Variants in ATP5MC3 observed in about 807,000 individuals in gnomAD.
The protein encoded by ATP5MC3 is ATP synthase membrane subunit c locus 3, also known as ATP synthase F(0) complex subunit C3, mitochondrial.
ATP5MC3 carries 6 observed loss-of-function variants against 15.6 expected under a neutral mutation model. That is an observed-to-expected ratio of 0.38 (90% CI 0.21 to 0.76). ATP5MC3 has a LOEUF of 0.76. Ranked by LOEUF, ATP5MC3 falls within the 30% of genes least tolerant of loss-of-function variation. The pLI is 0.44. For missense variants in ATP5MC3, 132 were observed against 171.2 expected (o/e 0.77, Z 1.28); for synonymous variants, 66 against 63.3 (o/e 1.04, Z -0.20).
intron 2 of ATP5MC3, 41 bp from the exon 3 acceptor site, chr2:175,180,219 G>T (rs1199285092): frequency 2.0e-6 from 3 of 1,475,598 alleles, no homozygotes; most frequent in Non-Finnish European, 2.7e-6. Context: ...TATTAAGAAA[G>T]AATACAGGTA....
At chr2:175,180,249 G>C in intron 2 of ATP5MC3, 71 bp from the exon 3 acceptor site, 1 of 1,179,190 alleles carries the variant, frequency 8.5e-7, no homozygotes, top group Non-Finnish European at 1.1e-6. Flanking sequence ...TGACTTTTCT[G>C]GTACCATGAA....
In ATP5MC3 at chr2:175,178,121, G is replaced by A. The variant is rs528317882; in HGVS notation, c.*167C>T. On this transcript the variant is annotated 3_prime_UTR_variant, in exon 5 of 5. Coordinates refer to ENST00000284727, the MANE Select transcript of ATP5MC3 (RefSeq NM_001689.5). The stretch of plus-strand genomic sequence containing the variant: ...TTCTTTGTGATAATCTAAACTTAGT[G>A]TAAGTACAAATCACAGAAGAAATTA... The A allele has an allele frequency of 1.9e-5, 25 of 1,304,438 alleles. 1 individual carries two copies. The South Asian group carries it at 4.0e-4, about 21-fold the overall frequency. 80.8% of individuals were successfully genotyped at this position (1,304,438 alleles called of 1,614,324 possible). A position where few individuals can be genotyped will look rare whatever the true frequency, so the allele number is the denominator to read the frequency against.
At chr2:175,178,715 C>A in intron 4 of ATP5MC3, 1 of 1,152,868 alleles carries the variant, frequency 8.7e-7, no homozygotes, top group Non-Finnish European at 1.1e-6. Context: ...ATAAATTGAT[C>A]CTTTTAAGGA....
intron 3 of ATP5MC3, 94 bp from the exon 4 acceptor site, chr2:175,179,344 T>C: frequency 7.0e-7 from 1 of 1,424,330 alleles, no homozygotes; most frequent in Non-Finnish European, 9.3e-7. Context: ...AACTACTTTT[T>C]TATTTTGTAG....
At chr2:175,179,550 G>A in intron 3 of ATP5MC3, 2 of 307,824 alleles carry the variant, frequency 6.5e-6, no homozygotes, top group Non-Finnish European at 1.2e-5. Context: ...ACCCAGGCTG[G>A]AGTGCAGTAC....
Position 175,177,513 on chromosome 2 carries a change from A to T in ATP5MC3, c.*775T>A, listed in dbSNP as rs983376533. Reference sequence around the variant, plus strand: ...ACTGTTGAACCAGCTATCATCCCCAAGACTCCCACTATAAACATGTTAGCA... The same window carrying T: ...ACTGTTGAACCAGCTATCATCCCCATGACTCCCACTATAAACATGTTAGCA... On this transcript the variant is annotated 3_prime_UTR_variant, in exon 5 of 5. Transcript: ENST00000284727. 1 of 152,220 alleles carries T rather than the reference A, an allele frequency of 6.6e-6. No individual in the cohort carries two copies. Among genetic ancestry groups the T allele is most frequent in the Admixed American group, 6.5e-5 (1 of 15,286 alleles). 9.4% of individuals were successfully genotyped at this position (152,220 alleles called of 1,614,324 possible).
At chr2:175,180,867 G>A (rs13030627) in intron 2 of ATP5MC3, among the ~76,000 whole-genome samples, 15,223 of 152,190 alleles carry the variant, frequency 0.1, 794 homozygotes, top group Middle Eastern at 0.18. Context: ...GAGGCAGGAA[G>A]AAAGACTTTG....
chr2:175,178,737 T>C (rs1360966210), intron 4 of ATP5MC3: 1 of 1,163,988 alleles, frequency 8.6e-7, no homozygotes, highest in Admixed American at 4.1e-5. Context: ...TGTGCTCTAA[T>C]AATTTTATTC....
chr2:175,180,376 C>T (rs1183947479), intron 2 of ATP5MC3, among the ~76,000 whole-genome samples, 198 bp from the exon 3 acceptor site: 3 of 152,102 alleles, frequency 2.0e-5, no homozygotes, highest in Non-Finnish European at 2.9e-5. Flanking sequence ...GAAATTGTAA[C>T]GCTTGCTACC....
chr2:175,181,128 G>A (rs1166322615), intron 2 of ATP5MC3, among the ~76,000 whole-genome samples: 1 of 152,272 alleles, frequency 6.6e-6, no homozygotes, highest in Non-Finnish European at 1.5e-5. Context: ...TACACCGAGT[G>A]AGGCCTGACA....
chr2:175,180,646 G>T (rs893179952), intron 2 of ATP5MC3, among the ~76,000 whole-genome samples: 2 of 151,994 alleles, frequency 1.3e-5, no homozygotes, highest in South Asian at 2.1e-4. Context: ...TCTAAAAAAG[G>T]AACTTAAGCA....
chr2:175,178,693 G>C, intron 4 of ATP5MC3: 2 of 1,165,748 alleles, frequency 1.7e-6, no homozygotes, highest in South Asian at 3.2e-5. Flanking sequence ...GACAGTTTAG[G>C]TCTTAAATAA....
intron 4 of ATP5MC3, 139 bp from the exon 5 acceptor site, chr2:175,178,541 T>C (rs950242414): frequency 7.1e-6 from 10 of 1,414,058 alleles, no homozygotes; most frequent in Non-Finnish European, 8.3e-6. Flanking sequence ...TAGATCTCTC[T>C]TACACTATTC....
chr2:175,179,083 A>G lies in ATP5MC3; in HGVS notation c.288T>C (p.Phe96=). 10 of 1,614,122 alleles carry G rather than the reference A, an allele frequency of 6.2e-6. No homozygotes were observed. Among genetic ancestry groups the G allele is most frequent in the South Asian group, 4.4e-5 (4 of 91,090 alleles). ...TGGCATAACCAATGATAAGGCTGCC[A>G]AAGACTGTTCCAATACCAGCACCAG... is the stretch of plus-strand genomic sequence containing the variant. ...AGSGAGIGTV[F]GSLIIGYARN... The change falls in exon 4 of 5, where the codon TTT becomes TTC. Residue 96 remains phenylalanine, a synonymous_variant. Transcript: ENST00000284727.
At chr2:175,178,860 T>C in intron 4 of ATP5MC3, 197 bp downstream of exon 4, 4 of 1,122,302 alleles carry the variant, frequency 3.6e-6, no homozygotes, top group Non-Finnish European at 4.7e-6. Flanking sequence ...TCTGTGTCTC[T>C]AGTCCTTCAT....
intron 2 of ATP5MC3, 101 bp downstream of exon 2, chr2:175,181,254 G>A (rs1700765265): frequency 3.6e-6 from 5 of 1,399,824 alleles, no homozygotes. Context: ...TTCCCGAGAG[G>A]GCGGTGTGCC....
Position 175,181,657 on chromosome 2 carries a change from T to G in ATP5MC3, c.-75A>C. 1.1e-4 allele frequency: 54 copies of G among 473,358 alleles called. No individual in the cohort carries two copies. Among genetic ancestry groups the G allele is most frequent in the Non-Finnish European group, 1.5e-4 (41 of 268,050 alleles). The allele number at this position is 473,358 out of a possible 1,614,324, so 29.3% of individuals were successfully genotyped here. ...GGGCTCCCTGTGCCCTCCACTTACC[T>G]TCCCAGGAGGCGGCGGCGGCACGGG... On this transcript the variant is annotated splice_region_variant and 5_prime_UTR_variant, in exon 1 of 5. Transcript: ENST00000284727.
rs1350107138 is a variant in ATP5MC3, at chr2:175,179,089, T to G, written c.282A>C (p.Thr94=). The G allele has an allele frequency of 6.2e-7, 1 of 1,614,170 alleles. No individual in the cohort carries two copies. Among genetic ancestry groups the G allele is most frequent in the African/African-American group, 1.3e-5 (1 of 75,062 alleles). Residue 94 remains threonine (T), a synonymous_variant, in exon 4 of 5, where the codon ACA becomes ACC. Coordinates refer to ENST00000284727, the MANE Select transcript of ATP5MC3 (RefSeq NM_001689.5). ...AACCAATGATAAGGCTGCCAAAGACTGTTCCAATACCAGCACCAGAACCAG... is the reference window on the plus strand; with the variant it reads ...AACCAATGATAAGGCTGCCAAAGACGGTTCCAATACCAGCACCAGAACCAG... ...GVAGSGAGIG[T]VFGSLIIGYA... is the part of the protein sequence containing the mutation.
rs537360056 is a variant in ATP5MC3 at position 175,177,750 on chromosome 2, G to A, written c.*538C>T. On this transcript the variant is annotated 3_prime_UTR_variant, in exon 5 of 5. Transcript: ENST00000284727. ...AAAACAAAAGTCACATTACCCCCTA[G>A]CTTAAGGCTTCATTTCCTAAAAAGC... 6.6e-6 allele frequency: 1 copy of A among 152,236 alleles called. No homozygotes were observed. Among genetic ancestry groups the A allele is most frequent in the East Asian group, 1.9e-4 (1 of 5,190 alleles). The allele number at this position is 152,236 out of a possible 1,614,324, so 9.4% of individuals were successfully genotyped here.
Sources: allele counts gnomAD v4.1 joint callset (sites outside exome capture counted in the v4.1 genomes callset), GRCh38; gene constraint gnomAD v4.1.1; transcripts MANE v1.5; gene names NCBI Gene and HGNC (gene_info 2026-07-23, HGNC 2026-07-21).